PCDHGA8: variants seen among roughly 807,000 people sequenced by gnomAD.
The protein encoded by PCDHGA8 is protocadherin gamma subfamily A, 8.
PCDHGA8 carries 45 observed loss-of-function variants against 59.2 expected under a neutral mutation model. The observed-to-expected ratio is 0.76, with a 90% CI of 0.60 to 0.98. The LOEUF is 0.98. Ranked by LOEUF, PCDHGA8 falls within the 50% of genes least tolerant of loss-of-function variation. The probability of loss-of-function intolerance (pLI) is 0.00; values close to 1 mark genes in which losing one functional copy is unlikely to be tolerated. For missense variants in PCDHGA8, 1,257 were observed against 1,196.2 expected (o/e 1.05, Z -0.75); for synonymous variants, 531 against 519.0 (o/e 1.02, Z -0.32).
chr5:141,437,058 T>C (rs539776847), intron 1 of PCDHGA8, among the ~76,000 whole-genome samples: 2 of 152,246 alleles, frequency 1.3e-5, no homozygotes, highest in Non-Finnish European at 2.9e-5. Context: ...CTGGTGATCA[T>C]TATTTGGTTT....
In PCDHGA8 at chr5:141,487,000, G is replaced by A. The variant is rs1410493699; in HGVS notation, c.2425-7807G>A. On this transcript the variant is annotated intron_variant, in intron 1 of 3. Transcript: ENST00000398604. The surrounding 1 kb of genome is among the most constrained non-coding windows in gnomAD (Gnocchi z 5.0). ...GTTACAATGCTTGGGTTTCCTATCA[G>A]CTCCTGGAGGCCCCAGATCCCAGCC... The A allele has an allele frequency of 6.2e-7, 1 of 1,614,194 alleles. No homozygotes were observed. The highest frequency in any genetic ancestry group is 8.5e-7 in the Non-Finnish European group (1 of 1,180,036).
At chr5:141,468,409 A>G (rs183146641) in intron 1 of PCDHGA8, 1 of 152,230 alleles carries the variant, frequency 6.6e-6, no homozygotes, top group East Asian at 1.9e-4. Flanking sequence ...AACTAATAAT[A>G]AGTTAGATAG....
intron 1 of PCDHGA8, chr5:141,403,947 A>C (rs1451597441): frequency 6.2e-7 from 1 of 1,613,886 alleles, no homozygotes; most frequent in Admixed American, 1.7e-5. Flanking sequence ...GGGTGGACAA[A>C]AGTGCTCATT....
chr5:141,405,471 A>C, intron 1 of PCDHGA8: 6 of 1,084,370 alleles, frequency 5.5e-6, no homozygotes, highest in Non-Finnish European at 7.9e-6. Context: ...CCAGGCTGGA[A>C]TGCAGTGGTG....
At chr5:141,402,912 G>T (rs373067478) in intron 1 of PCDHGA8, 319 of 1,553,994 alleles carry the variant, frequency 2.1e-4, no homozygotes, top group East Asian at 2.5e-4. Flanking sequence ...GAAGCAGCGC[G>T]CACAGAGATC....
intron 1 of PCDHGA8, among the ~76,000 whole-genome samples, chr5:141,445,851 A>G (rs957077325): frequency 2.0e-5 from 3 of 152,210 alleles, no homozygotes; most frequent in African/African-American, 7.2e-5. Context: ...CACACTTAAA[A>G]TTCTGGATTT....
intron 1 of PCDHGA8, chr5:141,420,083 A>C (rs2096465782): frequency 2.5e-6 from 4 of 1,614,020 alleles, no homozygotes; most frequent in Non-Finnish European, 3.4e-6. Context: ...GGGTCCCCCC[A>C]ACTACAGTGA....
intron 2 of PCDHGA8, among the ~76,000 whole-genome samples, chr5:141,500,587 C>T (rs1418158417): frequency 6.6e-5 from 10 of 152,170 alleles, no homozygotes; most frequent in South Asian, 2.1e-4. Flanking sequence ...ACACTTTATT[C>T]ACATATTAAG....
chr5:141,436,118 T>C (rs188307595), intron 1 of PCDHGA8, among the ~76,000 whole-genome samples: 5 of 152,310 alleles, frequency 3.3e-5, no homozygotes, highest in Admixed American at 2.0e-4. Flanking sequence ...ATGAAACCTC[T>C]CTCCTCCATC....
intron 1 of PCDHGA8, chr5:141,408,869 A>G (rs754873472): frequency 1.9e-6 from 3 of 1,613,572 alleles, no homozygotes; most frequent in African/African-American, 2.7e-5. Flanking sequence ...CCCACCAAGA[A>G]GTGCCACCGC....
chr5:141,448,706 C>G (rs1344013319), intron 1 of PCDHGA8, among the ~76,000 whole-genome samples: 1 of 151,732 alleles, frequency 6.6e-6, no homozygotes, highest in African/African-American at 2.4e-5. Context: ...TTTGGGAGGC[C>G]GAGGCGGGAG....
Position 141,431,431 on chromosome 5 carries a change from C to T in PCDHGA8, c.2424+36194C>T, listed in dbSNP as rs776557037. ...ACGGGGGCGACCCGGTGCGCACAGG[C>T]ACCGCGCGCATCCGCGTGATGGTTC... is the stretch of plus-strand genomic sequence containing the variant. On this transcript the variant is annotated intron_variant, in intron 1 of 3. Transcript: ENST00000398604. This position sits in a 1 kb window ranked among gnomAD's most constrained non-coding sequence, Gnocchi z 4.8. 11 of 1,613,586 alleles carry T rather than the reference C, an allele frequency of 6.8e-6. No individual in the cohort carries two copies. The East Asian group carries it at 1.1e-4, about 16-fold the overall frequency.
At chr5:141,507,120 T>TA (rs1256499995) in intron 3 of PCDHGA8, 2 of 152,206 alleles carry the variant, frequency 1.3e-5, no homozygotes, top group African/African-American at 4.8e-5. Context: ...TGGCTGCCTT[T>TA]GGATCCAGCC....
chr5:141,423,253 C>G (rs750278899), intron 1 of PCDHGA8: 1 of 1,613,916 alleles, frequency 6.2e-7, no homozygotes, highest in Admixed American at 1.7e-5. Flanking sequence ...CCTGGCGGAC[C>G]TCGGCAGCCT....
chr5:141,394,509 G>T lies in PCDHGA8; in HGVS notation c.1696G>T (p.Ala566Ser), dbSNP rs367855808. 10 of 1,614,028 alleles carry T rather than the reference G, an allele frequency of 6.2e-6. No homozygotes were observed. The highest frequency in any genetic ancestry group is 7.6e-6 in the Non-Finnish European group (9 of 1,180,034). Residue 566 changes from alanine (A) to serine (S), a missense_variant, in exon 1 of 4, where the codon GCC (alanine) becomes TCC (serine). Ala to Ser is a moderately conservative substitution (Grantham distance 99, BLOSUM62 1). Transcript: ENST00000398604. ...CAACGCGCCCGAGATCCTGTACCCCGCCCTCCCCACAGACGGTTCCACTGG... is the reference window on the plus strand; with the variant it reads ...CAACGCGCCCGAGATCCTGTACCCCTCCCTCCCCACAGACGGTTCCACTGG... ...NDNAPEILYPALPTDGSTGVE... is the reference protein window; with the variant it reads ...NDNAPEILYPSLPTDGSTGVE...
In PCDHGA8 at chr5:141,511,346, C is replaced by T; in HGVS notation, c.*173C>T. 7.1e-7 allele frequency: 1 copy of T among 1,400,168 alleles called. No homozygotes were observed. The allele number at this position is 1,400,168 out of a possible 1,614,324, so 86.7% of individuals were successfully genotyped here. A position where few individuals can be genotyped will look rare whatever the true frequency, so the allele number is the denominator to read the frequency against. On this transcript the variant is annotated 3_prime_UTR_variant, in exon 4 of 4. Transcript: ENST00000398604. ...AGTGCCCAGTCAGCACCTACCCCTT[C>T]CCCCCCAGGGGGTTGAATATGCAAA...
At chr5:141,484,135 A>G (rs181630887) in intron 1 of PCDHGA8, among the ~76,000 whole-genome samples, 6 of 152,270 alleles carry the variant, frequency 3.9e-5, no homozygotes, top group Admixed American at 1.3e-4. Flanking sequence ...GTGTCAGATA[A>G]AGGGAATTTG....
intron 2 of PCDHGA8, among the ~76,000 whole-genome samples, chr5:141,500,189 TTTATTTATTTA>T (rs1562193895): frequency 9.9e-5 from 11 of 110,956 alleles, no homozygotes; most frequent in Middle Eastern, 4.3e-3. Flanking sequence ...TTTATTTTTA[TTTATTTATTTA>T]TTTATTTATT....
At chr5:141,398,963 ATTCCT>A in intron 1 of PCDHGA8, 1 of 1,613,976 alleles carries the variant, frequency 6.2e-7, no homozygotes, top group Non-Finnish European at 8.5e-7. Flanking sequence ...GAAATTACTT[ATTCCT>A]TCTACAGAAC....
Sources: gnomAD v4.1 joint callset for allele counts (sites outside exome capture counted in the v4.1 genomes callset) on GRCh38, gnomAD v4.1.1 for gene constraint, Gnocchi (gnomAD v3.1) non-coding constraint, MANE v1.5 for transcripts, NCBI Gene and HGNC (gene_info 2026-07-23, HGNC 2026-07-21) for gene names.